The following ITPK1 variants were observed in gnomAD, a reference collection of about 807,000 sequenced individuals.
The protein encoded by ITPK1 is inositol 1,3,4-trisphosphate 5/6-kinase.
A neutral mutation model predicts 45.3 loss-of-function variants in ITPK1; 21 were observed. The ratio of observed to expected loss-of-function variants is 0.46; its 90% confidence interval spans 0.33 to 0.67. The LOEUF is 0.67. ITPK1 is among the 30% of genes least tolerant of loss of function. ITPK1 has a pLI of 0.02. For synonymous variants in ITPK1, 258 were observed against 253.6 expected (o/e 1.02, Z -0.16); for missense variants, 474 against 573.5 (o/e 0.83, Z 1.77).
In ITPK1 at chr14:93,012,162, C is replaced by T. The variant is rs1272353684; in HGVS notation, c.246+4514G>A. 2.0e-5 allele frequency among the ~76,000 whole-genome samples: 3 copies of T among 152,230 alleles called. No individual in the cohort carries two copies. The highest frequency in any genetic ancestry group is 4.4e-5 in the Non-Finnish European group (3 of 68,042). On this transcript the variant is annotated intron_variant, in intron 4 of 10. Coordinates refer to ENST00000267615, the MANE Select transcript of ITPK1 (RefSeq NM_014216.6). The surrounding 1 kb of genome is among the most constrained non-coding windows in gnomAD (Gnocchi z 4.9). ...CACTGGGCATGCGCCGCCACCCAAA[C>T]ACTTAGGCACTGCAGGCGGCAATGG...
At chr14:92,994,856 CTTAT>C (rs756533532) in intron 4 of ITPK1, among the ~76,000 whole-genome samples, 5 of 152,172 alleles carry the variant, frequency 3.3e-5, no homozygotes, top group Non-Finnish European at 5.9e-5. Context: ...TGAACGTGGC[CTTAT>C]TTATAAGGAA....
intron 5 of ITPK1, among the ~76,000 whole-genome samples, chr14:92,967,757 C>T (rs1885451175): frequency 6.6e-6 from 1 of 152,188 alleles, no homozygotes; most frequent in South Asian, 2.1e-4. Flanking sequence ...CATGCTACAA[C>T]ATGGAAGAAC....
Position 92,941,037 on chromosome 14 carries a change from G to A in ITPK1, c.*524C>T, listed in dbSNP as rs1887352584. On this transcript the variant is annotated 3_prime_UTR_variant, in exon 11 of 11. Transcript: ENST00000267615. ...GGGTTAGCTGCACACCAGGCAGGGT[G>A]GGGGCTAACAAAGCCTTGGTGGAGA... is the stretch of plus-strand genomic sequence containing the variant. 3.2e-6 allele frequency: 4 copies of A among 1,233,620 alleles called. No individual in the cohort carries two copies. In the Admixed American group the frequency reaches 8.2e-5, roughly 25 times the overall value. The allele number at this position is 1,233,620 out of a possible 1,614,324, so 76.4% of individuals were successfully genotyped here.
At chr14:93,019,798 T>C (rs1292349673) in intron 3 of ITPK1, among the ~76,000 whole-genome samples, 3 of 152,156 alleles carry the variant, frequency 2.0e-5, no homozygotes, top group African/African-American at 7.2e-5. Context: ...AAAAGGACAC[T>C]GTGCAGGGGG....
chr14:93,042,475 C>T (rs142443846), intron 3 of ITPK1, among the ~76,000 whole-genome samples: 114 of 152,282 alleles, frequency 7.5e-4, no homozygotes, highest in African/African-American at 2.5e-3. Flanking sequence ...TTTGAGGCTG[C>T]GATCTCTCTA....
intron 3 of ITPK1, among the ~76,000 whole-genome samples, chr14:93,017,741 A>G (rs1474397407): frequency 6.6e-6 from 1 of 151,752 alleles, no homozygotes; most frequent in Non-Finnish European, 1.5e-5. Context: ...TCTCATCCCC[A>G]CCCCCAAGTG....
In ITPK1 at chr14:92,941,858, G is replaced by A. The variant is rs781576938; in HGVS notation, c.948C>T (p.Ile316=). ...TGCTCTGGCCCTGCAGGACAGTGGC[G>A]ATGTGGTTCAGGAGGTCTGTGAAGA... ...SEFFTDLLNH[I]ATVLQGQSTA... The change falls in exon 11 of 11, where the codon ATC becomes ATT. Residue 316 remains isoleucine, a synonymous_variant. Transcript: ENST00000267615. The A allele has an allele frequency of 3.7e-5, 59 of 1,612,554 alleles. No individual in the cohort carries two copies. The highest frequency in any genetic ancestry group is 4.5e-5 in the East Asian group (2 of 44,896).
chr14:92,992,728 A>G (rs1156437841), intron 5 of ITPK1, among the ~76,000 whole-genome samples: 1 of 152,220 alleles, frequency 6.6e-6, no homozygotes, highest in Admixed American at 6.5e-5. Context: ...CATGAAAGTC[A>G]AGCTCAGGAA....
chr14:92,956,816 C>T (rs936271150), intron 8 of ITPK1, among the ~76,000 whole-genome samples: 2 of 152,028 alleles, frequency 1.3e-5, no homozygotes, highest in African/African-American at 2.4e-5. Flanking sequence ...CCTCTTCCAG[C>T]CCATAACTTG....
intron 4 of ITPK1, among the ~76,000 whole-genome samples, chr14:93,004,068 A>G (rs1288060926): frequency 6.6e-6 from 1 of 152,230 alleles, no homozygotes; most frequent in African/African-American, 2.4e-5. Flanking sequence ...GCCCAGAGAC[A>G]TTCAAACGCA....
At position 93,034,114 on chromosome 14, in the gene ITPK1, T is replaced by C. The variant is rs1889199729; in HGVS notation, c.121-17313A>G. Among the ~76,000 whole-genome samples, 1 of 152,068 alleles carries C rather than the reference T, an allele frequency of 6.6e-6. No individual in the cohort carries two copies. The highest frequency in any genetic ancestry group is 6.5e-5 in the Admixed American group (1 of 15,272). Reference sequence around the variant, plus strand: ...TGTAGCCCCAAAAGCCGTCTAATACTTCCCCATGGGTCCCTGGTAAGCCCT... The same window carrying C: ...TGTAGCCCCAAAAGCCGTCTAATACCTCCCCATGGGTCCCTGGTAAGCCCT... On this transcript the variant is annotated intron_variant, in intron 3 of 10. Coordinates refer to ENST00000267615, the MANE Select transcript of ITPK1 (RefSeq NM_014216.6). This position sits in a 1 kb window ranked among gnomAD's most constrained non-coding sequence, Gnocchi z 4.1.
intron 3 of ITPK1, among the ~76,000 whole-genome samples, chr14:93,074,911 T>G (rs1011440141): frequency 6.6e-6 from 1 of 152,020 alleles, no homozygotes; most frequent in African/African-American, 2.4e-5. Flanking sequence ...ACTCACAGAT[T>G]TAGGATCCTC....
chr14:93,073,159 G>A (rs1019053690), intron 3 of ITPK1, among the ~76,000 whole-genome samples: 2 of 152,222 alleles, frequency 1.3e-5, no homozygotes, highest in African/African-American at 2.4e-5. Flanking sequence ...TGGTGCCAGG[G>A]GACCAGCACC....
Position 93,016,852 on chromosome 14 carries a change from A to G in ITPK1, c.121-51T>C. ...AGCAACAACTTCAGCACCTGAGTCC[A>G]CTGCCCCCATCCTCTTGTCCACCCT... On this transcript the variant is annotated intron_variant, in intron 3 of 10. Coordinates refer to ENST00000267615, the MANE Select transcript of ITPK1 (RefSeq NM_014216.6). This position sits in a 1 kb window ranked among gnomAD's most constrained non-coding sequence, Gnocchi z 5.0. 6.2e-7 allele frequency: 1 copy of G among 1,604,378 alleles called. No individual in the cohort carries two copies. The highest frequency in any genetic ancestry group is 8.5e-7 in the Non-Finnish European group (1 of 1,174,714).
intron 5 of ITPK1, among the ~76,000 whole-genome samples, chr14:92,975,500 G>A (rs528572390): frequency 6.6e-6 from 1 of 152,298 alleles, no homozygotes; most frequent in Non-Finnish European, 1.5e-5. Context: ...GGCCTGCCAT[G>A]GTGGGACGCT....
chr14:92,952,491 G>A (rs1392033374), intron 8 of ITPK1, among the ~76,000 whole-genome samples: 5 of 151,492 alleles, frequency 3.3e-5, no homozygotes, highest in East Asian at 2.0e-4. Flanking sequence ...GCACCGGCAC[G>A]TGAGCACTTA....
intron 3 of ITPK1, among the ~76,000 whole-genome samples, chr14:93,030,866 T>C (rs1889010521): frequency 6.6e-6 from 1 of 152,024 alleles, no homozygotes; most frequent in Non-Finnish European, 1.5e-5. Context: ...GGTGCTCCTA[T>C]AAAAAGGGGA....
chr14:93,004,518 A>G (rs1887509128), intron 4 of ITPK1, among the ~76,000 whole-genome samples: 1 of 152,120 alleles, frequency 6.6e-6, no homozygotes, highest in African/African-American at 2.4e-5. Context: ...ACAGCCTCTG[A>G]GAAGCACGTG....
At chr14:93,044,550 C>T (rs191468545) in intron 3 of ITPK1, among the ~76,000 whole-genome samples, 9 of 152,306 alleles carry the variant, frequency 5.9e-5, no homozygotes, top group South Asian at 2.1e-4. Flanking sequence ...TCGAGGGCCA[C>T]GGATGAGCCA....
Sources: gnomAD v4.1 joint callset for allele counts (sites outside exome capture counted in the v4.1 genomes callset) on GRCh38, gnomAD v4.1.1 for gene constraint, Gnocchi (gnomAD v3.1) non-coding constraint, MANE v1.5 for transcripts, NCBI Gene and HGNC (gene_info 2026-07-23, HGNC 2026-07-21) for gene names.